Variants in TSPAN12 observed in about 807,000 individuals in gnomAD.
The protein encoded by TSPAN12 is tetraspanin-12.
In TSPAN12, 19 loss-of-function variants were observed where a neutral mutation model predicts 39.2. The observed-to-expected ratio is 0.49, with a 90% CI of 0.34 to 0.71. TSPAN12 has a LOEUF of 0.71. Among genes scored for constraint, TSPAN12 ranks in the 30% least tolerant of loss-of-function variants. The pLI is 0.01. For missense variants in TSPAN12, 314 were observed against 359.9 expected (o/e 0.87, Z 1.03); for synonymous variants, 119 against 124.8 (o/e 0.95, Z 0.31).
chr7:120,850,650 T>C (rs1794753141), intron 2 of TSPAN12, among the ~76,000 whole-genome samples: 1 of 152,040 alleles, frequency 6.6e-6, no homozygotes, highest in Non-Finnish European at 1.5e-5. Context: ...AGCCACAATG[T>C]ATATATAAAA....
chr7:120,794,052 G>T (rs1793584045), intron 7 of TSPAN12, among the ~76,000 whole-genome samples: 1 of 152,102 alleles, frequency 6.6e-6, no homozygotes, highest in Non-Finnish European at 1.5e-5. Flanking sequence ...GTAACTGTCT[G>T]TCTTCATGTT....
chr7:120,839,019 A>G, intron 3 of TSPAN12, 107 bp from the exon 4 acceptor site: 1 of 1,175,822 alleles, frequency 8.5e-7, no homozygotes. Flanking sequence ...TTCAATCATG[A>G]TGCCTCAAAA....
chr7:120,840,030 GT>G lies in TSPAN12; in HGVS notation c.145del (p.Thr49ArgfsTer3). Reference sequence around the variant, plus strand: ...AATCAATAATTATAAAGTATACCTCGTTTCTGCAGTTAAAGTGAGAACATTA... The same window carrying G: ...AATCAATAATTATAAAGTATACCTCGTTCTGCAGTTAAAGTGAGAACATTA... ...LNNVLTLTAETRVEEAVILTY... is the reference protein window; with the variant it reads ...LNNVLTLTAEXRVEEAVILTY... On this transcript the variant is annotated frameshift_variant, in exon 3 of 8. Coordinates refer to ENST00000222747, the MANE Select transcript of TSPAN12 (RefSeq NM_012338.4). LOFTEE classifies it high-confidence loss of function. The G allele has an allele frequency of 1.2e-6, 2 of 1,609,934 alleles. No individual in the cohort carries two copies. Among genetic ancestry groups the G allele is most frequent in the Non-Finnish European group, 1.7e-6 (2 of 1,176,338 alleles).
intron 5 of TSPAN12, chr7:120,814,255 A>T (rs1794038386): frequency 2.2e-6 from 1 of 456,584 alleles, no homozygotes; most frequent in Admixed American, 2.3e-5. Flanking sequence ...GCTCTGAAAC[A>T]AAGACAATAT....
At chr7:120,825,898 C>T (rs901511813) in intron 4 of TSPAN12, among the ~76,000 whole-genome samples, 1 of 152,120 alleles carries the variant, frequency 6.6e-6, no homozygotes, top group Non-Finnish European at 1.5e-5. Context: ...GTCAATATCT[C>T]TCTACAATTT....
intron 7 of TSPAN12, among the ~76,000 whole-genome samples, chr7:120,803,041 G>A (rs756286621): frequency 3.3e-5 from 5 of 152,060 alleles, no homozygotes; most frequent in South Asian, 2.1e-4. Context: ...GAGACCTTGC[G>A]GTTCATCTAG....
chr7:120,840,929 T>C (rs1794565453), intron 2 of TSPAN12, among the ~76,000 whole-genome samples: 1 of 152,246 alleles, frequency 6.6e-6, no homozygotes. Context: ...TCATTGGTTC[T>C]CAATCCTGTC....
At chr7:120,847,233 C>CAAAAAAAAAAAAAAAAAAAAA (rs76785160) in intron 2 of TSPAN12, among the ~76,000 whole-genome samples, 1 of 107,550 alleles carries the variant, frequency 9.3e-6, no homozygotes, top group African/African-American at 3.6e-5. Context: ...AGCTATATGA[C>CAAAAAAAAAAAAAAAAAAAAA]AAAAAAAAAA....
chr7:120,809,291 T>C (rs1476688318), intron 6 of TSPAN12, among the ~76,000 whole-genome samples: 1 of 152,086 alleles, frequency 6.6e-6, no homozygotes, highest in Admixed American at 6.5e-5. Context: ...ACATCACAAA[T>C]TCCAGAAAAT....
At chr7:120,838,966 A>C (rs1317842628) in intron 3 of TSPAN12, 54 bp from the exon 4 acceptor site, 18 of 1,565,714 alleles carry the variant, frequency 1.1e-5, no homozygotes, top group Non-Finnish European at 1.4e-5. Context: ...AATGCACCCA[A>C]GACATAGCAG....
chr7:120,830,373 G>T (rs866071801), intron 4 of TSPAN12, among the ~76,000 whole-genome samples: 10 of 151,924 alleles, frequency 6.6e-5, no homozygotes, highest in South Asian at 4.2e-4. Flanking sequence ...AAAGCTGCAG[G>T]TATCACACTA....
At chr7:120,835,591 T>TG (rs1359067523) in intron 4 of TSPAN12, among the ~76,000 whole-genome samples, 1 of 152,158 alleles carries the variant, frequency 6.6e-6, no homozygotes, top group Non-Finnish European at 1.5e-5. Context: ...CTATATTAAG[T>TG]GAATAATAAG....
Position 120,806,531 on chromosome 7 carries a change from A to G in TSPAN12, c.612+18T>C. On this transcript the variant is annotated intron_variant, in intron 7 of 7. Transcript: ENST00000222747. Reference sequence around the variant, plus strand: ...AGAAAACATTTATCCATAATAAATTAACCATATATGGCCTCACCTCTTGAT... The same window carrying G: ...AGAAAACATTTATCCATAATAAATTGACCATATATGGCCTCACCTCTTGAT... 6.2e-7 allele frequency: 1 copy of G among 1,612,166 alleles called. No individual in the cohort carries two copies.
chr7:120,799,871 T>G (rs950106481), intron 7 of TSPAN12, among the ~76,000 whole-genome samples: 1 of 141,060 alleles, frequency 7.1e-6, no homozygotes, highest in Non-Finnish European at 1.5e-5. Flanking sequence ...ATATGATATA[T>G]TACTATTAAT....
At chr7:120,853,243 G>A (rs1403206714) in intron 2 of TSPAN12, among the ~76,000 whole-genome samples, 5 of 151,680 alleles carry the variant, frequency 3.3e-5, no homozygotes, top group African/African-American at 9.7e-5. Context: ...ACAGGTGCAC[G>A]CCACGACACC....
chr7:120,793,825 A>C (rs1296527376), intron 7 of TSPAN12, among the ~76,000 whole-genome samples: 1 of 152,234 alleles, frequency 6.6e-6, no homozygotes, highest in East Asian at 1.9e-4. Flanking sequence ...AAACACCATA[A>C]GAAACTGCTC....
rs1449953832 is a variant in TSPAN12, at chr7:120,857,889, G to A, written c.-140C>T. ...GGGGACGCACGGCGGGGGCTCATCG[G>A]GGCAGGGAACTTCTTCGCGGAGAGC... On this transcript the variant is annotated 5_prime_UTR_variant, in exon 1 of 8. Coordinates refer to ENST00000222747, the MANE Select transcript of TSPAN12 (RefSeq NM_012338.4). 6.6e-6 allele frequency: 1 copy of A among 152,448 alleles called. No homozygotes were observed. Among genetic ancestry groups the A allele is most frequent in the African/African-American group, 2.4e-5 (1 of 41,436 alleles). 9.4% of individuals were successfully genotyped at this position (152,448 alleles called of 1,614,324 possible).
At chr7:120,848,919 T>C (rs1430885609) in intron 2 of TSPAN12, among the ~76,000 whole-genome samples, 2 of 152,188 alleles carry the variant, frequency 1.3e-5, no homozygotes, top group East Asian at 3.8e-4. Flanking sequence ...GTCAACTCAA[T>C]AACTAAACCT....
chr7:120,795,400 T>C (rs186553615), intron 7 of TSPAN12, among the ~76,000 whole-genome samples: 1 of 152,280 alleles, frequency 6.6e-6, no homozygotes, highest in African/African-American at 2.4e-5. Flanking sequence ...TCCCCTACAT[T>C]TCCTGGAATC....
Sources: allele counts gnomAD v4.1 joint callset (sites outside exome capture counted in the v4.1 genomes callset), GRCh38; gene constraint gnomAD v4.1.1; transcripts MANE v1.5; gene names NCBI Gene and HGNC (gene_info 2026-07-23, HGNC 2026-07-21).